The following DAB1 variants were observed in gnomAD, a reference collection of about 807,000 sequenced individuals.
DAB1 encodes DAB adaptor protein 1, also known as disabled homolog 1.
A neutral mutation model predicts 64.6 loss-of-function variants in DAB1; 15 were observed. That is an observed-to-expected ratio of 0.23 (90% confidence interval 0.16 to 0.36). The LOEUF (loss-of-function observed/expected upper bound fraction) is 0.36. Ranked by LOEUF, DAB1 falls within the 10% of genes least tolerant of loss-of-function variation. The probability of loss-of-function intolerance (pLI) is 1.00; values close to 1 mark genes in which losing one functional copy is unlikely to be tolerated. For missense variants in DAB1, 596 were observed against 706.7 expected (o/e 0.84, Z 1.78); for synonymous variants, 235 against 251.9 (o/e 0.93, Z 0.64).
chr1:57,443,251 T>C (rs757408894), intron 7 of DAB1, among the ~76,000 whole-genome samples: 3 of 152,280 alleles, frequency 2.0e-5, no homozygotes, highest in South Asian at 2.1e-4. Flanking sequence ...CCAGTTCACA[T>C]GTGTTTGTAG....
chr1:58,455,778 C>T (rs533946961), intron 3 of DAB1, among the ~76,000 whole-genome samples: 22 of 152,298 alleles, frequency 1.4e-4, no homozygotes, highest in African/African-American at 4.3e-4. Flanking sequence ...ACAAATTGGA[C>T]GGTTGATTCT....
chr1:58,360,452 G>A (rs1644154571), intron 3 of DAB1, among the ~76,000 whole-genome samples: 3 of 152,024 alleles, frequency 2.0e-5, no homozygotes, highest in African/African-American at 4.8e-5. Flanking sequence ...ACATTGATAC[G>A]GATCCCTGAC....
chr1:58,300,642 GAGAGAGGA>G (rs1557726291), intron 4 of DAB1, among the ~76,000 whole-genome samples: 10 of 51,756 alleles, frequency 1.9e-4, no homozygotes, highest in African/African-American at 4.9e-4. Flanking sequence ...GAGAGAGAGA[GAGAGAGGA>G]AGGAAGGAAG....
chr1:58,319,401 A>G (rs1662632546), intron 4 of DAB1, among the ~76,000 whole-genome samples: 1 of 152,206 alleles, frequency 6.6e-6, no homozygotes, highest in East Asian at 1.9e-4. Context: ...ACTAGCTTTA[A>G]AAGGAGAGGT....
chr1:58,185,438 A>C (rs922559333), intron 4 of DAB1, among the ~76,000 whole-genome samples: 1 of 152,224 alleles, frequency 6.6e-6, no homozygotes, highest in Non-Finnish European at 1.5e-5. Flanking sequence ...GTCACTCAGA[A>C]GGAATCCTAG....
rs971981537 is a variant in DAB1, at chr1:57,423,924, C to G, written c.-137+6G>C. 6.6e-6 allele frequency: 1 copy of G among 152,184 alleles called. No homozygotes were observed. The highest frequency in any genetic ancestry group is 1.5e-5 in the Non-Finnish European group (1 of 68,140). 9.4% of individuals were successfully genotyped at this position (152,184 alleles called of 1,614,324 possible). On this transcript the variant is annotated splice_donor_region_variant and intron_variant, in intron 1 of 14. Transcript: ENST00000371236. ...AGGGTTGCCGCGCGCCCCCGCCGCG[C>G]CTCACCTCGCCTAGCCCAGAGCATC... is the stretch of plus-strand genomic sequence containing the variant.
At chr1:57,064,614 T>A (rs1367111615) in intron 8 of DAB1, among the ~76,000 whole-genome samples, 1 of 152,164 alleles carries the variant, frequency 6.6e-6, no homozygotes, top group Non-Finnish European at 1.5e-5. Context: ...ACTCCATGAG[T>A]GCAGTCTGTG....
At chr1:57,938,016 G>C (rs1244588474) in intron 5 of DAB1, among the ~76,000 whole-genome samples, 3 of 152,218 alleles carry the variant, frequency 2.0e-5, no homozygotes, top group African/African-American at 7.2e-5. Context: ...CCAGCTGACT[G>C]TGCCATGTTC....
chr1:57,577,680 G>A (rs1645266248), intron 7 of DAB1, among the ~76,000 whole-genome samples: 1 of 152,142 alleles, frequency 6.6e-6, no homozygotes, highest in African/African-American at 2.4e-5. Flanking sequence ...ACTCTAGGGG[G>A]AGGGGTGGCT....
At chr1:57,491,974 A>C (rs1558431243) in intron 7 of DAB1, among the ~76,000 whole-genome samples, 2 of 152,186 alleles carry the variant, frequency 1.3e-5, no homozygotes, top group African/African-American at 4.8e-5. Context: ...CAGAGGCTAA[A>C]ATGTGACTGA....
intron 2 of DAB1, among the ~76,000 whole-genome samples, chr1:57,277,848 T>A (rs1257928255): frequency 3.3e-5 from 5 of 152,184 alleles, no homozygotes; most frequent in Admixed American, 3.3e-4. Flanking sequence ...CCATTCATCA[T>A]CTACTGGGCT....
chr1:58,238,057 C>T (rs1476130481), intron 4 of DAB1, among the ~76,000 whole-genome samples: 2 of 152,184 alleles, frequency 1.3e-5, no homozygotes, highest in Non-Finnish European at 2.9e-5. Context: ...TGTCCTTTGG[C>T]AGTACCCCGT....
At position 57,558,031 on chromosome 1, in the gene DAB1, G is replaced by GCTTT. The variant is rs201763354; in HGVS notation, n.625+91560_625+91561insAAAG. Among the ~76,000 whole-genome samples, 610 of 151,934 alleles carry GCTTT rather than the reference G, an allele frequency of 4.0e-3. 3 individuals are homozygous for GCTTT. Among genetic ancestry groups the GCTTT allele is most frequent in the African/African-American group, 0.014 (587 of 41,456 alleles). On this transcript the variant is annotated intron_variant and non_coding_transcript_variant, in intron 7 of 20. Coordinates refer to the DAB1 transcript ENST00000485760. ...GAGTGGCTGACCTGCAACCCAAGTT[G>GCTTT]CATGCACAGCCTTGCCAGATCTCTA...
chr1:57,093,328 C>T (rs1653865523), intron 4 of DAB1, among the ~76,000 whole-genome samples: 1 of 152,158 alleles, frequency 6.6e-6, no homozygotes, highest in African/African-American at 2.4e-5. Flanking sequence ...TTCTCAGCAC[C>T]AGAAATAACA....
intron 4 of DAB1, among the ~76,000 whole-genome samples, chr1:58,263,362 C>T (rs1221630415): frequency 6.6e-6 from 1 of 152,252 alleles, no homozygotes; most frequent in African/African-American, 2.4e-5. Flanking sequence ...ATTTCCCTGT[C>T]GTTTATTTTT....
chr1:58,195,845 G>A (rs1657647300), intron 4 of DAB1, among the ~76,000 whole-genome samples: 1 of 152,166 alleles, frequency 6.6e-6, no homozygotes, highest in Admixed American at 6.5e-5. Flanking sequence ...GCCCTAACAG[G>A]AAGTATTACT....
At chr1:57,184,482 G>A (rs983506380) in intron 2 of DAB1, among the ~76,000 whole-genome samples, 2 of 151,956 alleles carry the variant, frequency 1.3e-5, no homozygotes, top group Non-Finnish European at 1.5e-5. Context: ...TCTATCTGTG[G>A]CTTCCCATAG....
At chr1:57,069,516 G>A (rs1217507994) in intron 7 of DAB1, 91 bp from the exon 8 acceptor site, 19 of 1,044,864 alleles carry the variant, frequency 1.8e-5, no homozygotes, top group South Asian at 3.9e-5. Context: ...AAATCACAGC[G>A]AGCATTAACG....
intron 4 of DAB1, among the ~76,000 whole-genome samples, chr1:58,214,083 G>T (rs1658710317): frequency 6.6e-6 from 1 of 152,102 alleles, no homozygotes; most frequent in African/African-American, 2.4e-5. Flanking sequence ...CGGGAAAAAA[G>T]ATCTTCATCC....
Sources: allele counts gnomAD v4.1 joint callset (sites outside exome capture counted in the v4.1 genomes callset), GRCh38; gene constraint gnomAD v4.1.1; transcripts MANE v1.5; gene names NCBI Gene and HGNC (gene_info 2026-07-23, HGNC 2026-07-21).